NRG3: variants seen among roughly 807,000 people sequenced by gnomAD.
NRG3 encodes neuregulin 3.
Under a neutral mutation model 66.9 loss-of-function variants are expected in NRG3, and 31 were observed. The ratio of observed to expected loss-of-function variants is 0.46; its 90% CI spans 0.35 to 0.63. The LOEUF is 0.63. Ranked by LOEUF, NRG3 falls within the 20% of genes least tolerant of loss-of-function variation. The pLI is 0.00. For synonymous variants in NRG3, 393 were observed against 359.4 expected, an observed-to-expected ratio of 1.09 and a Z score of -1.06; for missense variants, 910 against 878.9, an observed-to-expected ratio of 1.04 and a Z score of -0.45.
At chr10:82,235,090 A>G (rs1383775593) in intron 1 of NRG3, among the ~76,000 whole-genome samples, 1 of 152,236 alleles carries the variant, frequency 6.6e-6, no homozygotes, top group Admixed American at 6.5e-5. Context: ...TCATTCTATT[A>G]AATTTGGGGA....
chr10:82,559,632 G>A (rs965257536), intron 2 of NRG3, among the ~76,000 whole-genome samples: 10 of 152,186 alleles, frequency 6.6e-5, no homozygotes, highest in African/African-American at 1.9e-4. Flanking sequence ...GATCTGAGCA[G>A]CATGTAGCTT....
chr10:81,923,180 A>G (rs1458022778), intron 1 of NRG3, among the ~76,000 whole-genome samples: 2 of 150,878 alleles, frequency 1.3e-5, no homozygotes, highest in African/African-American at 4.9e-5. Context: ...TCACTTTAAA[A>G]TCATCTTTCT....
intron 1 of NRG3, among the ~76,000 whole-genome samples, chr10:82,327,350 C>A (rs2081925971): frequency 6.6e-6 from 1 of 152,164 alleles, no homozygotes; most frequent in African/African-American, 2.4e-5. Context: ...GAAAACCTGG[C>A]TCAGCAGTAG....
At chr10:82,636,331 GAC>G (rs2050196761) in intron 2 of NRG3, among the ~76,000 whole-genome samples, 2 of 151,872 alleles carry the variant, frequency 1.3e-5, no homozygotes, top group Admixed American at 6.6e-5. Flanking sequence ...TGGGATTAAT[GAC>G]ACTCCACATC....
chr10:82,897,440 A>T (rs772062003), intron 4 of NRG3, among the ~76,000 whole-genome samples: 2 of 152,194 alleles, frequency 1.3e-5, no homozygotes, highest in African/African-American at 2.4e-5. Context: ...CCAGTCCCTG[A>T]AACAAACCCA....
chr10:82,293,505 A>G (rs574907769), intron 1 of NRG3, among the ~76,000 whole-genome samples: 2 of 152,336 alleles, frequency 1.3e-5, no homozygotes, highest in South Asian at 4.1e-4. Context: ...AAAGAATGAT[A>G]AAATTTCTCT....
At chr10:82,976,831 G>C (rs1195611285) in intron 7 of NRG3, among the ~76,000 whole-genome samples, 1 of 152,096 alleles carries the variant, frequency 6.6e-6, no homozygotes, top group Non-Finnish European at 1.5e-5. Flanking sequence ...GGAGCCTGCA[G>C]TGCGGCCCCC....
intron 2 of NRG3, among the ~76,000 whole-genome samples, chr10:82,462,480 G>C (rs913987195): frequency 6.6e-6 from 1 of 152,088 alleles, no homozygotes; most frequent in African/African-American, 2.4e-5. Context: ...CTTCAGGCAG[G>C]GAAATGTCCT....
At chr10:82,961,321 C>CA (rs1850619729) in intron 6 of NRG3, among the ~76,000 whole-genome samples, 1 of 152,042 alleles carries the variant, frequency 6.6e-6, no homozygotes, top group African/African-American at 2.4e-5. Context: ...TGATATAACC[C>CA]AAAATGTGGT....
intron 1 of NRG3, among the ~76,000 whole-genome samples, chr10:82,221,148 A>G (rs148094047): frequency 1.1e-3 from 163 of 152,214 alleles, no homozygotes; most frequent in African/African-American, 2.6e-3. Context: ...TCTATAAAAT[A>G]ATTAGAGTTT....
rs574500285 is a variant in NRG3 at position 82,138,150 on chromosome 10, T to C, written c.824-220589T>C. On this transcript the variant is annotated intron_variant, in intron 1 of 8. Transcript: ENST00000372141. The stretch of plus-strand genomic sequence containing the variant: ...ATTTTCCTTAATTCAAATACATCTG[T>C]GTTTAGTTGAAAAAAATGTGTATAT... Among the ~76,000 whole-genome samples, 5 of 152,258 alleles carry C rather than the reference T, an allele frequency of 3.3e-5. No individual in the cohort carries two copies. In the East Asian group the frequency reaches 7.7e-4, roughly 24 times the overall value.
In NRG3 at chr10:82,022,535, G is replaced by A. The variant is rs2347333; in HGVS notation, c.823+146372G>A. ...AAGGCTTTGCCTACTCCATGCTATA[G>A]CTTAGTATTTGTGGTGTTTCTTCAT... On this transcript the variant is annotated intron_variant, in intron 1 of 8. Coordinates refer to ENST00000372141, the MANE Select transcript of NRG3 (RefSeq NM_001010848.4). Among the ~76,000 whole-genome samples the A allele has an allele frequency of 5.0e-3, 760 of 152,236 alleles. 20 individuals are homozygous for A. Among genetic ancestry groups the A allele is most frequent in the Admixed American group, 0.045 (681 of 15,272 alleles).
intron 1 of NRG3, among the ~76,000 whole-genome samples, chr10:82,079,662 C>T (rs1010735867): frequency 2.6e-5 from 4 of 152,166 alleles, no homozygotes; most frequent in African/African-American, 9.7e-5. Context: ...AATCACTGGT[C>T]TTTTTACTGT....
rs145451554 is a variant in NRG3, at chr10:81,876,124, A to G, written c.784A>G (p.Thr262Ala). ...TTCTTCCTCTTCTTCCTCCTCCGCT[A>G]CCACCACCACACCAGAAACTAGCAC... Reference protein sequence around the residue: ...SSSSSSSSSATTTTPETSTSP... With the variant: ...SSSSSSSSSAATTTPETSTSP... The change falls in exon 1 of 9, where the codon ACC (threonine) becomes GCC (alanine). Residue 262 changes from threonine (T) to alanine (A), a missense_variant. Physicochemically the swap from Thr to Ala is moderately conservative, Grantham distance 58 (BLOSUM62 0). Transcript: ENST00000372141. 565 of 1,603,684 alleles carry G rather than the reference A, an allele frequency of 3.5e-4. No homozygotes were observed. Among genetic ancestry groups the G allele is most frequent in the Non-Finnish European group, 4.5e-4 (531 of 1,175,334 alleles).
chr10:82,157,160 A>C (rs1325121014), intron 1 of NRG3, among the ~76,000 whole-genome samples: 2 of 151,734 alleles, frequency 1.3e-5, no homozygotes, highest in African/African-American at 2.4e-5. Context: ...AGGGAAATGA[A>C]GTATATTTTC....
chr10:82,309,426 G>A (rs937990700), intron 1 of NRG3, among the ~76,000 whole-genome samples: 1 of 151,712 alleles, frequency 6.6e-6, no homozygotes, highest in Non-Finnish European at 1.5e-5. Context: ...TAGTTACATT[G>A]AGGGTGATTA....
chr10:82,633,000 G>T (rs531730233), intron 2 of NRG3, among the ~76,000 whole-genome samples: 1 of 152,122 alleles, frequency 6.6e-6, no homozygotes. Flanking sequence ...AAGTTCTCAG[G>T]CTTGTTTGAC....
At position 81,878,208 on chromosome 10, in the gene NRG3, GA is replaced by G. The variant is rs1218453200; in HGVS notation, c.823+2050del. The G allele has an allele frequency of 2.1e-5, 18 of 876,270 alleles. No individual in the cohort carries two copies. The African/African-American group carries it at 2.7e-4, about 13-fold the overall frequency. 54.3% of individuals were successfully genotyped at this position (876,270 alleles called of 1,614,324 possible). ...GCCCTCAGCCCCAAGGAAAAGAGGG[GA>G]AAAATCTGTAAATGGTGTCAATGTT... On this transcript the variant is annotated intron_variant, in intron 1 of 8. Coordinates refer to ENST00000372141, the MANE Select transcript of NRG3 (RefSeq NM_001010848.4).
At chr10:82,199,031 T>C (rs1322422315) in intron 1 of NRG3, among the ~76,000 whole-genome samples, 3 of 148,264 alleles carry the variant, frequency 2.0e-5, no homozygotes, top group Non-Finnish European at 3.0e-5. Context: ...TTTCTGGGCG[T>C]GGTTGCATGC....
Sources: allele counts gnomAD v4.1 joint callset (sites outside exome capture counted in the v4.1 genomes callset), GRCh38; gene constraint gnomAD v4.1.1; transcripts MANE v1.5; gene names NCBI Gene and HGNC (gene_info 2026-07-23, HGNC 2026-07-21).